Variants in ASIC4 observed in about 807,000 individuals in gnomAD.
ASIC4 encodes the protein acid sensing ion channel subunit family member 4.
In ASIC4, 28 loss-of-function variants were observed where a neutral mutation model predicts 53.4. The observed-to-expected ratio is 0.52, with a 90% CI of 0.39 to 0.72. The LOEUF (loss-of-function observed/expected upper bound fraction) is 0.72, where lower values mean the gene tolerates loss of function less well. ASIC4 is among the 30% of genes least tolerant of loss of function. The probability of loss-of-function intolerance (pLI) is 0.00; values close to 1 mark genes in which losing one functional copy is unlikely to be tolerated. For synonymous variants in ASIC4, 289 were observed against 301.4 expected, an observed-to-expected ratio of 0.96 and a Z score of 0.43; for missense variants, 649 against 729.7, an observed-to-expected ratio of 0.89 and a Z score of 1.27.
At chr2:219,509,808 GTGCCAGCGCTGATCGC>G (rs1694676428), upstream of ASIC4, among the ~76,000 whole-genome samples, 1 of 152,096 alleles carries the variant, frequency 6.6e-6, no homozygotes, top group South Asian at 2.1e-4. This position sits in a 1 kb window ranked among gnomAD's most constrained non-coding sequence, Gnocchi z 5.2. Context: ...CAAGGTCTCG[GTGCCAGCGCTGATCGC>G]TGCGGCACCC....
intron 1 of ASIC4, among the ~76,000 whole-genome samples, chr2:219,523,783 G>A (rs964029939): frequency 2.0e-5 from 3 of 151,944 alleles, no homozygotes; most frequent in East Asian, 1.9e-4. Flanking sequence ...AACATGCCTG[G>A]TGCAGTTCAA....
intron 4 of ASIC4, 122 bp from the exon 5 acceptor site, chr2:219,532,761 T>G (rs935046196): frequency 9.8e-7 from 1 of 1,022,660 alleles, no homozygotes; most frequent in African/African-American, 1.6e-5. Flanking sequence ...GTGTGTGGTG[T>G]TCAAGCACAT....
the ASIC4 span, among the ~76,000 whole-genome samples, chr2:219,508,234 C>A: frequency 6.6e-5 from 10 of 152,282 alleles, no homozygotes; most frequent in Non-Finnish European, 1.2e-4. Flanking sequence ...GGGCTAGGTC[C>A]CTTCCCTCTC....
rs1303988051 is a variant in ASIC4, at chr2:219,517,096, T to A, written c.582+1790T>A. The A allele has an allele frequency of 6.7e-6, 1 of 150,276 alleles. No individual in the cohort carries two copies. The highest frequency in any genetic ancestry group is 1.5e-5 in the Non-Finnish European group (1 of 67,642). The allele number at this position is 150,276 out of a possible 1,614,324, so 9.3% of individuals were successfully genotyped here. A position where few individuals can be genotyped will look rare whatever the true frequency, so the allele number is the denominator to read the frequency against. ...GGATCTTTGTGTCCCCGAGCGGGAG[T>A]TGGGGGTGGGCAGGAAAGGGGAAGG... On this transcript the variant is annotated intron_variant, in intron 1 of 9. Transcript: ENST00000358078. This position sits in a 1 kb window ranked among gnomAD's most constrained non-coding sequence, Gnocchi z 4.2.
intron 1 of ASIC4, among the ~76,000 whole-genome samples, chr2:219,524,810 T>C (rs578174015): frequency 7.1e-4 from 108 of 152,154 alleles, no homozygotes; most frequent in Non-Finnish European, 1.2e-3. Context: ...GCTCCCAAAT[T>C]GCAGAGAGAG....
In ASIC4 at chr2:219,519,163, C is replaced by G. The variant is rs1036712072; in HGVS notation, c.582+3857C>G. ...TCGTGATCCGCCCGCCTTGGCCTCC[C>G]AAAGTGCTGGGTGTATTCTTTAAAT... On this transcript the variant is annotated intron_variant, in intron 1 of 9. Transcript: ENST00000358078. Among the ~76,000 whole-genome samples the G allele has an allele frequency of 2.0e-5, 3 of 152,312 alleles. No individual in the cohort carries two copies. The South Asian group carries it at 6.2e-4, about 32-fold the overall frequency.
At chr2:219,523,824 C>CTT (rs35642288) in intron 1 of ASIC4, among the ~76,000 whole-genome samples, 2 of 146,030 alleles carry the variant, frequency 1.4e-5, no homozygotes, top group Non-Finnish European at 3.0e-5. Context: ...CCCATAAGCA[C>CTT]TTTTTTTTTT....
chr2:219,523,745 A>C (rs943920634), intron 1 of ASIC4, among the ~76,000 whole-genome samples: 1 of 152,076 alleles, frequency 6.6e-6, no homozygotes. Flanking sequence ...GTAACAATTT[A>C]TCCATTTGTG....
chr2:219,532,826 G>A (rs889339525), intron 4 of ASIC4, 57 bp from the exon 5 acceptor site: 26 of 1,515,374 alleles, frequency 1.7e-5, no homozygotes, highest in East Asian at 1.4e-4. Flanking sequence ...ACATTTGGGC[G>A]TGTGGGGGAC....
chr2:219,508,736 T>C, the ASIC4 span, among the ~76,000 whole-genome samples: 3 of 142,334 alleles, frequency 2.1e-5, no homozygotes, highest in Non-Finnish European at 3.0e-5. Context: ...ATTGGCTGTT[T>C]AGGGGTAGGA....
chr2:219,513,818 AG>A (rs1694732892), upstream of ASIC4, among the ~76,000 whole-genome samples: 1 of 152,172 alleles, frequency 6.6e-6, no homozygotes, highest in African/African-American at 2.4e-5. Flanking sequence ...AGCCTCCCAG[AG>A]GGGGCAGGGG....
chr2:219,523,399 A>T (rs891019896), intron 1 of ASIC4, among the ~76,000 whole-genome samples: 1 of 152,034 alleles, frequency 6.6e-6, no homozygotes, highest in Non-Finnish European at 1.5e-5. Flanking sequence ...CCTGGCTCCT[A>T]GGGCTCCCCT....
At chr2:219,525,566 A>G (rs1010405618) in intron 1 of ASIC4, among the ~76,000 whole-genome samples, 18 of 152,274 alleles carry the variant, frequency 1.2e-4, no homozygotes, top group African/African-American at 4.3e-4. Flanking sequence ...CCTTTGTACA[A>G]TGAGTGATTG....
chr2:219,532,367 G>C lies in ASIC4; in HGVS notation c.908G>C (p.Arg303Thr). 6.2e-7 allele frequency: 1 copy of C among 1,614,016 alleles called. No individual in the cohort carries two copies. Among genetic ancestry groups the C allele is most frequent in the Non-Finnish European group, 8.5e-7 (1 of 1,179,894 alleles). ...WGNCRAESEL[R>T]EPELQGYSAY... ...AACTGCCGCGCAGAGAGTGAGCTCA[G>C]GGAGCCTGAGCTTCAGGGCTACTCG... Residue 303 changes from arginine (R) to threonine (T), a missense_variant, in exon 4 of 10, where the codon AGG becomes ACG. Arg to Thr is a moderately conservative substitution (Grantham distance 71). Coordinates refer to ENST00000358078, the MANE Select transcript of ASIC4 (RefSeq NM_018674.6).
upstream of ASIC4, among the ~76,000 whole-genome samples, chr2:219,510,228 T>C (rs12470806): frequency 6.9e-6 from 1 of 145,758 alleles, no homozygotes; most frequent in Non-Finnish European, 1.5e-5. This position sits in a 1 kb window ranked among gnomAD's most constrained non-coding sequence, Gnocchi z 5.2. Context: ...GCTCCCCACA[T>C]GCCCCTCGGA....
At position 219,514,762 on chromosome 2, in the gene ASIC4, A is replaced by C. The variant is rs1694754558; in HGVS notation, c.38A>C (p.Glu13Ala). ...IEIVCKIKFA[E>A]EDAKPKEKEA... is the part of the protein sequence containing the mutation. ...ATTGTGTGCAAAATCAAATTTGCTG[A>C]GGAGGATGCGAAACCCAAGGAGAAG... Residue 13 changes from glutamate (E) to alanine (A), a missense_variant, in exon 1 of 10, where the codon GAG (glutamate) becomes GCG (alanine). Physicochemically the swap from Glu to Ala is moderately radical, Grantham distance 107. Transcript: ENST00000358078. 1 of 1,613,360 alleles carries C rather than the reference A, an allele frequency of 6.2e-7. No individual in the cohort carries two copies. The highest frequency in any genetic ancestry group is 8.5e-7 in the Non-Finnish European group (1 of 1,179,976).
rs900993452 is a variant in ASIC4, at chr2:219,536,951, T to C, written c.1230-115T>C. On this transcript the variant is annotated intron_variant, in intron 6 of 9. Transcript: ENST00000358078. This position sits in a 1 kb window ranked among gnomAD's most constrained non-coding sequence, Gnocchi z 4.6. ...CAGCCTTGGGGAGTCCGGGGGGTAG[T>C]CACTGACTTCCCCATGTAGTGATCT... 3.4e-6 allele frequency: 3 copies of C among 870,130 alleles called. No individual in the cohort carries two copies. The highest frequency in any genetic ancestry group is 5.5e-6 in the Non-Finnish European group (3 of 549,848). The allele number at this position is 870,130 out of a possible 1,614,324, so 53.9% of individuals were successfully genotyped here.
intron 4 of ASIC4, 185 bp downstream of exon 4, chr2:219,532,662 C>T (rs554651279): frequency 5.6e-5 from 51 of 903,848 alleles, no homozygotes; most frequent in Admixed American, 2.3e-4. Context: ...GTGGGAATGC[C>T]GGCATGCAGA....
chr2:219,528,527 C>CTTT (rs200972196), intron 1 of ASIC4, among the ~76,000 whole-genome samples: 4 of 150,852 alleles, frequency 2.7e-5, no homozygotes, highest in African/African-American at 9.8e-5. Flanking sequence ...GGGGTCTGGA[C>CTTT]TTTTTGTTGT....
Sources: gnomAD v4.1 joint callset for allele counts (sites outside exome capture counted in the v4.1 genomes callset) on GRCh38, gnomAD v4.1.1 for gene constraint, Gnocchi (gnomAD v3.1) non-coding constraint, MANE v1.5 for transcripts, NCBI Gene and HGNC (gene_info 2026-07-23, HGNC 2026-07-21) for gene names.